Variants in LRRK1 observed in about 807,000 individuals in gnomAD.
LRRK1 encodes leucine-rich repeat serine/threonine-protein kinase 1.
Under a neutral mutation model 209.1 loss-of-function variants are expected in LRRK1, and 113 were observed. That is an observed-to-expected ratio of 0.54 (90% CI 0.46 to 0.63). The LOEUF (loss-of-function observed/expected upper bound fraction) is 0.63. LRRK1 is among the 30% of genes least tolerant of loss of function. The pLI, the probability that LRRK1 is intolerant of heterozygous loss-of-function variation, is 0.00. For missense variants in LRRK1, 2,284 were observed against 2,632.2 expected (o/e 0.87, Z 2.89); for synonymous variants, 1,144 against 1,099.7 (o/e 1.04, Z -0.80).
intron 2 of LRRK1, among the ~76,000 whole-genome samples, chr15:100,934,047 GTCTTA>G (rs1301323696): frequency 6.6e-6 from 1 of 151,908 alleles, no homozygotes; most frequent in Non-Finnish European, 1.5e-5. Context: ...TTTGGTGTCA[GTCTTA>G]TCTTCTCAGT....
chr15:101,067,106 C>T, intron 33 of LRRK1: 2 of 363,564 alleles, frequency 5.5e-6, no homozygotes, highest in South Asian at 4.2e-5. Flanking sequence ...CCGAGGTGTC[C>T]ACCAGCCCAC....
chr15:100,975,648 T>C (rs2031250481), intron 3 of LRRK1, among the ~76,000 whole-genome samples: 1 of 152,222 alleles, frequency 6.6e-6, no homozygotes, highest in Non-Finnish European at 1.5e-5. Flanking sequence ...TGTAAAATTA[T>C]AGTTCCAAAA....
intron 20 of LRRK1, among the ~76,000 whole-genome samples, chr15:101,041,589 G>A (rs2034758210): frequency 6.6e-6 from 1 of 152,076 alleles, no homozygotes; most frequent in African/African-American, 2.4e-5. Context: ...CAATCTACTT[G>A]TAATTAATAT....
chr15:101,033,149 A>G (rs1156519044), intron 20 of LRRK1, among the ~76,000 whole-genome samples: 1 of 152,152 alleles, frequency 6.6e-6, no homozygotes, highest in East Asian at 1.9e-4. Context: ...TTCTTTTATC[A>G]ATACATAATA....
At chr15:100,935,361 G>A (rs2042282879) in intron 2 of LRRK1, among the ~76,000 whole-genome samples, 4 of 152,244 alleles carry the variant, frequency 2.6e-5, no homozygotes, top group Admixed American at 2.6e-4. Context: ...TGGGGAAATG[G>A]TGCTCCTGGC....
At chr15:100,925,402 C>T (rs550322401) in intron 2 of LRRK1, among the ~76,000 whole-genome samples, 13 of 152,250 alleles carry the variant, frequency 8.5e-5, no homozygotes, top group Middle Eastern at 3.4e-3. Flanking sequence ...TCATTATCTG[C>T]GGGAGTGCTA....
rs557834596 is a variant in LRRK1, at chr15:101,043,041, T to C, written c.2964-2940T>C. Among the ~76,000 whole-genome samples the C allele has an allele frequency of 5.3e-5, 8 of 152,350 alleles. No homozygotes were observed. The South Asian group carries it at 1.7e-3, about 32-fold the overall frequency. ...AGTACTAGTTTCCATATCAGCCGCT[T>C]CCTGGGTTTGATGCTGATATTGGCA... is the stretch of plus-strand genomic sequence containing the variant. On this transcript the variant is annotated intron_variant, in intron 20 of 33. Transcript: ENST00000388948.
intron 2 of LRRK1, among the ~76,000 whole-genome samples, chr15:100,927,382 G>T (rs1170149319): frequency 6.6e-6 from 1 of 152,154 alleles, no homozygotes; most frequent in African/African-American, 2.4e-5. Flanking sequence ...CTGCTCCTTA[G>T]GAGGTGTCCT....
intron 2 of LRRK1, among the ~76,000 whole-genome samples, chr15:100,952,108 A>T (rs1244786343): frequency 6.6e-6 from 1 of 152,216 alleles, no homozygotes. Flanking sequence ...CGTATATGAC[A>T]TGTTCAGAAG....
chr15:101,029,558 CTTGA>C (rs2034192598), intron 20 of LRRK1, among the ~76,000 whole-genome samples: 1 of 146,408 alleles, frequency 6.8e-6, no homozygotes, highest in African/African-American at 2.8e-5. Flanking sequence ...GGCTTGATTG[CTTGA>C]TTATTTGGTA....
In LRRK1 at chr15:100,988,918, C is replaced by T. The variant is rs139048537; in HGVS notation, c.613+105C>T. 1.4e-4 allele frequency: 127 copies of T among 930,326 alleles called. No individual in the cohort carries two copies. In the African/African-American group the frequency reaches 1.8e-3, roughly 13 times the overall value. 57.6% of individuals were successfully genotyped at this position (930,326 alleles called of 1,614,324 possible). On this transcript the variant is annotated intron_variant, in intron 5 of 33. Transcript: ENST00000388948. ...CTCACTCTTGGCTCTCAAATCACCT[C>T]TGTGAGGAGACTTTTGCAACTCCTG...
At chr15:101,020,226 C>CTT (rs1164276276) in intron 12 of LRRK1, among the ~76,000 whole-genome samples, 1 of 152,150 alleles carries the variant, frequency 6.6e-6, no homozygotes, top group East Asian at 1.9e-4. Context: ...GTGTTCCTGT[C>CTT]TAACAACTGT....
At chr15:101,037,507 A>T (rs1042244309) in intron 20 of LRRK1, among the ~76,000 whole-genome samples, 1 of 152,152 alleles carries the variant, frequency 6.6e-6, no homozygotes, top group South Asian at 2.1e-4. Context: ...GGTACCAGCC[A>T]TGGTAGGCAG....
At chr15:100,990,851 T>C (rs745622282) in intron 6 of LRRK1, among the ~76,000 whole-genome samples, 1 of 152,308 alleles carries the variant, frequency 6.6e-6, no homozygotes, top group Admixed American at 6.5e-5. Flanking sequence ...CATAATTCAA[T>C]ATGTTCATCT....
chr15:101,053,063 C>G lies in LRRK1; in HGVS notation c.3831C>G (p.Phe1277Leu), dbSNP rs1413148326. Reference protein sequence around the residue: ...VAVKRFHIKKFKNFANVPADT... With the variant: ...VAVKRFHIKKLKNFANVPADT... ...TCAAGCGCTTCCACATCAAAAAATT[C>G]AAGAACTTTGCTAACGTACCGGCAG... is the stretch of plus-strand genomic sequence containing the variant. Residue 1277 changes from phenylalanine (F) to leucine (L), a missense_variant, in exon 25 of 34, where the codon TTC becomes TTG. This residue lies in a region of LRRK1 where 780 missense variants were observed against 985.2 expected (regional missense o/e 0.79). Coordinates refer to ENST00000388948, the MANE Select transcript of LRRK1 (RefSeq NM_024652.6). 3.7e-6 allele frequency: 6 copies of G among 1,611,052 alleles called. No homozygotes were observed. Among genetic ancestry groups the G allele is most frequent in the Non-Finnish European group, 5.1e-6 (6 of 1,177,934 alleles).
In LRRK1 at chr15:100,996,781, C is replaced by T. The variant is rs1352400117; in HGVS notation, c.762+7383C>T. Reference sequence around the variant, plus strand: ...TCCTGCTGGATTTTAAGACATCCGACAAAGCAGTGAGCATGTCAGTCACTT... The same window carrying T: ...TCCTGCTGGATTTTAAGACATCCGATAAAGCAGTGAGCATGTCAGTCACTT... On this transcript the variant is annotated intron_variant, in intron 6 of 33. Coordinates refer to ENST00000388948, the MANE Select transcript of LRRK1 (RefSeq NM_024652.6). 4.4e-4 allele frequency among the ~76,000 whole-genome samples: 67 copies of T among 152,178 alleles called. 1 individual carries two copies. Among genetic ancestry groups the T allele is most frequent in the Admixed American group, 4.4e-3 (67 of 15,284 alleles).
intron 32 of LRRK1, 58 bp downstream of exon 32, chr15:101,066,263 G>C: frequency 6.5e-7 from 1 of 1,540,182 alleles, no homozygotes; most frequent in South Asian, 1.2e-5. Context: ...CTGCTCTGGG[G>C]ACAGAGCAAG....
intron 21 of LRRK1, among the ~76,000 whole-genome samples, chr15:101,047,279 T>C (rs548429595): frequency 4.6e-5 from 7 of 152,366 alleles, no homozygotes; most frequent in African/African-American, 1.7e-4. Flanking sequence ...AAGTCCATCG[T>C]GACAGTAGCA....
chr15:100,988,637 C>T lies in LRRK1; in HGVS notation c.437C>T (p.Pro146Leu), dbSNP rs1260718403. 2 of 1,614,022 alleles carry T rather than the reference C, an allele frequency of 1.2e-6. No individual in the cohort carries two copies. Among genetic ancestry groups the T allele is most frequent in the Non-Finnish European group, 1.7e-6 (2 of 1,180,052 alleles). The part of the protein sequence containing the change: ...VQELLESLPG[P>L]CSPQRLLNWM... ...TTGTCCTGCCATCTCCTGCCAGGTC[C>T]CTGCAGTCCCCAGCGGCTTCTGAAC... The change falls in exon 5 of 34, where the codon CCC becomes CTC. Residue 146 changes from proline to leucine, a missense_variant. Coordinates refer to ENST00000388948, the MANE Select transcript of LRRK1 (RefSeq NM_024652.6).
Sources: allele counts gnomAD v4.1 joint callset (sites outside exome capture counted in the v4.1 genomes callset), GRCh38; gene constraint gnomAD v4.1.1; regional missense constraint gnomAD v4.1.1; transcripts MANE v1.5; gene names NCBI Gene and HGNC (gene_info 2026-07-23, HGNC 2026-07-21).